CTNNA3: variants seen among roughly 807,000 people sequenced by gnomAD.
The protein encoded by CTNNA3 is catenin alpha-3.
CTNNA3 carries 76 observed loss-of-function variants against 95.7 expected under a neutral mutation model. The ratio of observed to expected loss-of-function variants is 0.79; its 90% CI spans 0.66 to 0.96. The LOEUF (loss-of-function observed/expected upper bound fraction) is 0.96. Among genes scored for constraint, CTNNA3 ranks in the 40% least tolerant of loss-of-function variants. The pLI, the probability that CTNNA3 is intolerant of heterozygous loss-of-function variation, is 0.00. For missense variants in CTNNA3, 1,191 were observed against 1,089.8 expected (o/e 1.09, Z -1.31); for synonymous variants, 431 against 374.4 (o/e 1.15, Z -1.74).
chr10:66,430,936 C>CA (rs1240891691), intron 11 of CTNNA3, among the ~76,000 whole-genome samples: 1 of 151,948 alleles, frequency 6.6e-6, no homozygotes, highest in African/African-American at 2.4e-5. Flanking sequence ...TTCTGCACAG[C>CA]AAAAGAAACT....
chr10:66,063,369 C>T (rs950881062), intron 15 of CTNNA3, among the ~76,000 whole-genome samples: 45 of 149,876 alleles, frequency 3.0e-4, no homozygotes, highest in African/African-American at 9.8e-4. Flanking sequence ...TCAAGATCTG[C>T]TTCTCTATCA....
intron 5 of CTNNA3, among the ~76,000 whole-genome samples, chr10:67,480,205 TGAG>T (rs1371789366): frequency 6.6e-6 from 1 of 151,966 alleles, no homozygotes; most frequent in Non-Finnish European, 1.5e-5. Context: ...TCTAAAAAAC[TGAG>T]GAGAAGGGAT....
At chr10:66,290,576 T>A (rs1195549572) in intron 12 of CTNNA3, among the ~76,000 whole-genome samples, 1 of 152,126 alleles carries the variant, frequency 6.6e-6, no homozygotes, top group Non-Finnish European at 1.5e-5. Flanking sequence ...TGAACAATAG[T>A]CTTTACAAAT....
intron 13 of CTNNA3, among the ~76,000 whole-genome samples, chr10:66,113,334 TTTAA>T (rs1450505566): frequency 4.6e-5 from 7 of 152,204 alleles, no homozygotes; most frequent in Non-Finnish European, 8.8e-5. Flanking sequence ...TTCTTTTTTC[TTTAA>T]TTGTTTGAAT....
At chr10:67,186,009 G>C (rs1862826658) in intron 6 of CTNNA3, among the ~76,000 whole-genome samples, 1 of 142,092 alleles carries the variant, frequency 7.0e-6, no homozygotes, top group East Asian at 2.0e-4. Flanking sequence ...CTAGACTACA[G>C]AGCAAGACTC....
intron 7 of CTNNA3, among the ~76,000 whole-genome samples, chr10:67,129,027 T>C (rs941383544): frequency 3.3e-5 from 5 of 152,064 alleles, no homozygotes; most frequent in Non-Finnish European, 7.4e-5. Flanking sequence ...ACTGCAAATA[T>C]AAGGGAGGAA....
chr10:66,428,017 G>A (rs1041318208), intron 11 of CTNNA3, among the ~76,000 whole-genome samples: 6 of 152,064 alleles, frequency 3.9e-5, no homozygotes, highest in African/African-American at 1.2e-4. Flanking sequence ...CATCTCACGT[G>A]CAGAGACACA....
Position 66,680,707 on chromosome 10 carries a change from G to C in CTNNA3, c.1282-58923C>G, listed in dbSNP as rs371768036. Among the ~76,000 whole-genome samples the C allele has an allele frequency of 8.5e-5, 13 of 152,280 alleles. No individual in the cohort carries two copies. The South Asian group carries it at 2.7e-3, about 32-fold the overall frequency. On this transcript the variant is annotated intron_variant, in intron 9 of 17. Transcript: ENST00000433211. ...CTGAACTAAAGTCATGAAGGACTGA[G>C]TCTTAAAGGATACTTAGGAATGATT...
intron 5 of CTNNA3, among the ~76,000 whole-genome samples, chr10:67,274,770 G>A (rs1839126573): frequency 6.6e-6 from 1 of 152,086 alleles, no homozygotes; most frequent in African/African-American, 2.4e-5. Context: ...CAAAGCCACA[G>A]TGAGCCATGA....
intron 7 of CTNNA3, among the ~76,000 whole-genome samples, chr10:66,947,562 A>T (rs1262640366): frequency 3.3e-5 from 5 of 152,132 alleles, no homozygotes; most frequent in African/African-American, 4.8e-5. Flanking sequence ...CTGAAAATAT[A>T]AAAAAGCATC....
At chr10:66,061,935 T>C (rs1039741507) in intron 15 of CTNNA3, among the ~76,000 whole-genome samples, 5 of 152,182 alleles carry the variant, frequency 3.3e-5, no homozygotes, top group African/African-American at 4.8e-5. Flanking sequence ...GTTTCTTCCT[T>C]GAGGAAAGAA....
chr10:67,472,814 AGCCAAAGCCAAG>A (rs1410045592), intron 5 of CTNNA3, among the ~76,000 whole-genome samples: 1 of 152,156 alleles, frequency 6.6e-6, no homozygotes, highest in Non-Finnish European at 1.5e-5. Flanking sequence ...TCCTGCACAA[AGCCAAAGCCAAG>A]GACCAACTTG....
intron 14 of CTNNA3, among the ~76,000 whole-genome samples, chr10:66,099,652 T>C (rs747231566): frequency 3.9e-5 from 6 of 152,134 alleles, no homozygotes; most frequent in Non-Finnish European, 2.9e-5. Context: ...GCAGATATAA[T>C]GTAAGGGGTG....
At chr10:66,439,311 TA>T (rs1217239787) in intron 11 of CTNNA3, among the ~76,000 whole-genome samples, 1 of 152,076 alleles carries the variant, frequency 6.6e-6, no homozygotes, top group Non-Finnish European at 1.5e-5. Context: ...ATCTTTTTCT[TA>T]AAAAAAGGAT....
intron 11 of CTNNA3, among the ~76,000 whole-genome samples, chr10:66,444,083 G>A (rs529981885): frequency 2.0e-5 from 3 of 152,278 alleles, no homozygotes; most frequent in Admixed American, 2.0e-4. Flanking sequence ...AGTGATGCAA[G>A]ATGAAATGAA....
intron 7 of CTNNA3, among the ~76,000 whole-genome samples, chr10:66,835,215 A>G (rs1040482473): frequency 6.6e-6 from 1 of 152,168 alleles, no homozygotes; most frequent in African/African-American, 2.4e-5. Flanking sequence ...GAAAAATTAC[A>G]GTCAAGATAA....
rs143146486 is a variant in CTNNA3, at chr10:67,465,369, A to G, written c.579+56473T>C. Among the ~76,000 whole-genome samples the G allele has an allele frequency of 3.2e-4, 49 of 152,208 alleles. No individual in the cohort carries two copies. The East Asian group carries it at 8.9e-3, about 28-fold the overall frequency. On this transcript the variant is annotated intron_variant, in intron 5 of 17. Transcript: ENST00000433211. ...GATGGTTTCAAAGCTGCCCTCCCCA[A>G]GTATTTCACAATAAGAGAGTTTGTA... is the stretch of plus-strand genomic sequence containing the variant.
At chr10:66,453,790 A>C (rs1016610803) in intron 11 of CTNNA3, among the ~76,000 whole-genome samples, 6 of 152,200 alleles carry the variant, frequency 3.9e-5, no homozygotes, top group African/African-American at 1.4e-4. Flanking sequence ...ACAACAATAT[A>C]AGCATTCTCC....
At chr10:67,221,790 G>T (rs1864671357) in intron 5 of CTNNA3, among the ~76,000 whole-genome samples, 1 of 151,996 alleles carries the variant, frequency 6.6e-6, no homozygotes, top group Non-Finnish European at 1.5e-5. Flanking sequence ...TAGCCAGGAT[G>T]GTCTCGATCT....
Sources: gnomAD v4.1 joint callset for allele counts (sites outside exome capture counted in the v4.1 genomes callset) on GRCh38, gnomAD v4.1.1 for gene constraint, MANE v1.5 for transcripts, NCBI Gene and HGNC (gene_info 2026-07-23, HGNC 2026-07-21) for gene names.